HMGCLL1: variants seen among roughly 807,000 people sequenced by gnomAD.
The protein encoded by HMGCLL1 is 3-hydroxy-3-methylglutaryl-CoA lyase like 1, also known as 3-hydroxymethyl-3-methylglutaryl-CoA lyase, cytoplasmic.
A neutral mutation model predicts 39.1 loss-of-function variants in HMGCLL1; 36 were observed. That is an observed-to-expected ratio of 0.92 (90% CI 0.71 to 1.22). The LOEUF is 1.22. Among genes scored for constraint, HMGCLL1 ranks in the 50% most tolerant of loss-of-function variants. The pLI is 0.00. For synonymous variants in HMGCLL1, 149 were observed against 144.0 expected (o/e 1.03, Z -0.25); for missense variants, 451 against 416.5 (o/e 1.08, Z -0.72).
At chr6:55,631,045 G>C in the HMGCLL1 span, among the ~76,000 whole-genome samples, 1 of 151,806 alleles carries the variant, frequency 6.6e-6, no homozygotes, top group Non-Finnish European at 1.5e-5. Context: ...ATCTTCTTTG[G>C]TTTAAATCTG....
the HMGCLL1 span, among the ~76,000 whole-genome samples, chr6:55,641,424 A>G: frequency 5.9e-5 from 9 of 152,076 alleles, no homozygotes; most frequent in Non-Finnish European, 1.0e-4. Flanking sequence ...ATTAAAGACA[A>G]TATCTATAAA....
intron 1 of HMGCLL1, among the ~76,000 whole-genome samples, chr6:55,545,976 TG>T (rs1769942610): frequency 6.6e-6 from 1 of 152,098 alleles, no homozygotes; most frequent in African/African-American, 2.4e-5. Context: ...GAGCTGCACT[TG>T]GGGAACCTCA....
intron 1 of HMGCLL1, among the ~76,000 whole-genome samples, chr6:55,554,088 C>T (rs1027779488): frequency 3.3e-5 from 5 of 151,996 alleles, no homozygotes; most frequent in African/African-American, 9.7e-5. Context: ...AATGAGAGCT[C>T]GTATTCAAAA....
chr6:55,612,437 G>GA, the HMGCLL1 span, among the ~76,000 whole-genome samples: 16 of 151,826 alleles, frequency 1.1e-4, 2 homozygotes, highest in East Asian at 1.9e-4. Flanking sequence ...CACAGAATTA[G>GA]AAAAAAAACC....
chr6:55,591,485 T>A, the HMGCLL1 span, among the ~76,000 whole-genome samples: 3 of 151,956 alleles, frequency 2.0e-5, no homozygotes, highest in African/African-American at 7.2e-5. Flanking sequence ...AGCCATGATA[T>A]TTTTATTGCT....
chr6:55,441,720 T>C (rs1763604864), intron 7 of HMGCLL1, among the ~76,000 whole-genome samples: 1 of 152,086 alleles, frequency 6.6e-6, no homozygotes, highest in Non-Finnish European at 1.5e-5. Context: ...AGATGGAGTC[T>C]TGCTCGGTTA....
intron 4 of HMGCLL1, 34 bp from the exon 5 acceptor site, chr6:55,514,230 A>C: frequency 1.3e-6 from 2 of 1,535,524 alleles, no homozygotes; most frequent in South Asian, 1.2e-5. Flanking sequence ...CAAATCTAAT[A>C]ACTTCAAAAA....
intron 7 of HMGCLL1, among the ~76,000 whole-genome samples, chr6:55,488,788 T>G (rs1318208142): frequency 6.6e-6 from 1 of 152,044 alleles, no homozygotes; most frequent in Non-Finnish European, 1.5e-5. Flanking sequence ...GAGAAGTAAT[T>G]TTATAAGAAT....
intron 1 of HMGCLL1, among the ~76,000 whole-genome samples, chr6:55,556,212 ATAAT>A (rs1384141176): frequency 6.6e-6 from 1 of 152,198 alleles, no homozygotes; most frequent in Non-Finnish European, 1.5e-5. Context: ...AAAAACAATA[ATAAT>A]TAAAATATAT....
At chr6:55,457,768 G>C (rs1370747074) in intron 7 of HMGCLL1, among the ~76,000 whole-genome samples, 1 of 152,006 alleles carries the variant, frequency 6.6e-6, no homozygotes, top group African/African-American at 2.4e-5. Flanking sequence ...TAAGAGAAAG[G>C]AACTCTTTTT....
chr6:55,657,734 A>T, the HMGCLL1 span, among the ~76,000 whole-genome samples: 3 of 152,086 alleles, frequency 2.0e-5, no homozygotes, highest in Admixed American at 6.6e-5. Flanking sequence ...GCCATAAAAA[A>T]GAACAAGATC....
intron 7 of HMGCLL1, among the ~76,000 whole-genome samples, chr6:55,441,513 T>C (rs892927194): frequency 6.6e-5 from 10 of 152,102 alleles, no homozygotes; most frequent in African/African-American, 2.4e-4. Flanking sequence ...CCATGCAATA[T>C]TTAGATTTCT....
At chr6:55,536,458 A>T (rs1769032089) in intron 3 of HMGCLL1, among the ~76,000 whole-genome samples, 1 of 152,346 alleles carries the variant, frequency 6.6e-6, no homozygotes, top group Non-Finnish European at 1.5e-5. Flanking sequence ...AGATGAATGT[A>T]AAACTCTAGT....
intron 7 of HMGCLL1, among the ~76,000 whole-genome samples, chr6:55,466,324 G>C (rs1427317396): frequency 1.3e-5 from 2 of 152,214 alleles, no homozygotes; most frequent in East Asian, 3.9e-4. Flanking sequence ...TCAAGAACAA[G>C]AGCTTTGTCA....
intron 7 of HMGCLL1, among the ~76,000 whole-genome samples, chr6:55,443,507 A>G (rs1763692522): frequency 6.6e-6 from 1 of 152,146 alleles, no homozygotes; most frequent in South Asian, 2.1e-4. Context: ...GCCTTTTGGG[A>G]AAGAGTGAGG....
At chr6:55,602,510 T>A in the HMGCLL1 span, among the ~76,000 whole-genome samples, 2 of 152,024 alleles carry the variant, frequency 1.3e-5, no homozygotes, top group Non-Finnish European at 2.9e-5. Flanking sequence ...GGACTAAAAA[T>A]TTGCAACTTC....
chr6:55,634,086 TA>T, the HMGCLL1 span, among the ~76,000 whole-genome samples: 1 of 151,916 alleles, frequency 6.6e-6, no homozygotes, highest in Non-Finnish European at 1.5e-5. Flanking sequence ...CTTTTTTTTT[TA>T]ATAATGCAAG....
chr6:55,437,793 G>A (rs2127378553), intron 8 of HMGCLL1, among the ~76,000 whole-genome samples: 1 of 152,146 alleles, frequency 6.6e-6, no homozygotes, highest in African/African-American at 2.4e-5. Flanking sequence ...CCAGCGACCA[G>A]TATATAGGAT....
At chr6:55,505,693 T>C (rs528046228) in intron 5 of HMGCLL1, among the ~76,000 whole-genome samples, 14 of 151,810 alleles carry the variant, frequency 9.2e-5, no homozygotes, top group African/African-American at 3.1e-4. Context: ...TACAAATATA[T>C]GCAAAGTTTA....
Sources: allele counts gnomAD v4.1 joint callset (sites outside exome capture counted in the v4.1 genomes callset), GRCh38; gene constraint gnomAD v4.1.1; transcripts MANE v1.5; gene names NCBI Gene and HGNC (gene_info 2026-07-23, HGNC 2026-07-21).